Variants in PARD3B observed in about 807,000 individuals in gnomAD.
The protein encoded by PARD3B is partitioning defective 3 homolog B.
Under a neutral mutation model 130.2 loss-of-function variants are expected in PARD3B, and 103 were observed. The ratio of observed to expected loss-of-function variants is 0.79; its 90% CI spans 0.67 to 0.93. The LOEUF is 0.93. Ranked by LOEUF, PARD3B falls within the 40% of genes least tolerant of loss-of-function variation. PARD3B has a pLI of 0.00. For synonymous variants in PARD3B, 583 were observed against 553.2 expected (o/e 1.05, Z -0.76); for missense variants, 1,609 against 1,499.2 (o/e 1.07, Z -1.21).
intron 2 of PARD3B, among the ~76,000 whole-genome samples, chr2:204,744,611 A>G (rs1007775978): frequency 3.9e-5 from 6 of 152,136 alleles, no homozygotes; most frequent in Non-Finnish European, 8.8e-5. Flanking sequence ...AGGGCCAGTC[A>G]GATGAAACTG....
rs1327406606 is a variant in PARD3B at position 205,112,929 on chromosome 2, T to C, written c.594-562T>C. On this transcript the variant is annotated intron_variant, in intron 5 of 22. Transcript: ENST00000406610. ...TCTGTTGAATAGAACTGATGCCCTATTGAAAAGCAAGTTTGAGTTTTGATT... is the reference window on the plus strand; with the variant it reads ...TCTGTTGAATAGAACTGATGCCCTACTGAAAAGCAAGTTTGAGTTTTGATT... 2.6e-5 allele frequency among the ~76,000 whole-genome samples: 4 copies of C among 152,344 alleles called. No individual in the cohort carries two copies. In the East Asian group the frequency reaches 5.8e-4, roughly 22 times the overall value.
At chr2:205,602,308 G>A (rs2054818526) in intron 22 of PARD3B, among the ~76,000 whole-genome samples, 1 of 152,196 alleles carries the variant, frequency 6.6e-6, no homozygotes, top group Non-Finnish European at 1.5e-5. Context: ...TTGCATTGAC[G>A]TTCATCAGGG....
At chr2:204,594,424 A>C (rs959905640) in intron 1 of PARD3B, among the ~76,000 whole-genome samples, 1 of 152,204 alleles carries the variant, frequency 6.6e-6, no homozygotes, top group Admixed American at 6.5e-5. Flanking sequence ...AGAGAAGGTG[A>C]CTAGTGATTA....
chr2:205,325,551 C>T lies in PARD3B; in HGVS notation c.2630+23850C>T, dbSNP rs2042911395. On this transcript the variant is annotated intron_variant, in intron 18 of 22. Transcript: ENST00000406610. The surrounding 1 kb of genome is among the most constrained non-coding windows in gnomAD (Gnocchi z 4.1). ...TTAGTAGTAGTAGTAGTAGTAGTCT[C>T]AGAGTCTTCCTCTATTGCCCAGGCT... 8.3e-6 allele frequency among the ~76,000 whole-genome samples: 1 copy of T among 120,688 alleles called. No individual in the cohort carries two copies. Among genetic ancestry groups the T allele is most frequent in the Non-Finnish European group, 1.7e-5 (1 of 57,262 alleles). 79.2% of individuals were successfully genotyped at this position (120,688 alleles called of 152,430 possible). A position where few individuals can be genotyped will look rare whatever the true frequency, so the allele number is the denominator to read the frequency against.
chr2:205,039,435 A>C (rs1698239996), intron 3 of PARD3B, among the ~76,000 whole-genome samples: 1 of 151,928 alleles, frequency 6.6e-6, no homozygotes, highest in Non-Finnish European at 1.5e-5. Context: ...TTTCTATCAA[A>C]GTATTTCTTT....
intron 1 of PARD3B, among the ~76,000 whole-genome samples, chr2:204,661,661 A>T (rs2035811825): frequency 6.6e-6 from 1 of 152,244 alleles, no homozygotes; most frequent in African/African-American, 2.4e-5. Context: ...ATTAGATATT[A>T]TAACTAAGGG....
intron 2 of PARD3B, among the ~76,000 whole-genome samples, chr2:204,926,462 G>C (rs749859505): frequency 1.3e-5 from 2 of 152,076 alleles, no homozygotes. Context: ...TCATCACTAA[G>C]AATAGAACCT....
At position 205,122,650 on chromosome 2, in the gene PARD3B, T is replaced by A. The variant is rs193255431; in HGVS notation, c.1165+701T>A. Among the ~76,000 whole-genome samples the A allele has an allele frequency of 3.9e-4, 60 of 152,342 alleles. No individual in the cohort carries two copies. The highest frequency in any genetic ancestry group is 1.3e-3 in the African/African-American group (55 of 41,582). On this transcript the variant is annotated intron_variant, in intron 8 of 22. Coordinates refer to ENST00000406610, the MANE Select transcript of PARD3B (RefSeq NM_001302769.2). This position sits in a 1 kb window ranked among gnomAD's most constrained non-coding sequence, Gnocchi z 4.3. ...TTCCCCCATTGCAACCTTCTGAAAT[T>A]CTGTGTTTTTCAAGACAACTCAAAA...
chr2:205,286,729 A>T (rs2041410842), intron 16 of PARD3B, among the ~76,000 whole-genome samples: 1 of 152,212 alleles, frequency 6.6e-6, no homozygotes, highest in Non-Finnish European at 1.5e-5. Context: ...AGTCATGAGA[A>T]TACCTATGGG....
intron 22 of PARD3B, among the ~76,000 whole-genome samples, chr2:205,581,469 C>G (rs2053987013): frequency 7.1e-6 from 1 of 141,652 alleles, no homozygotes; most frequent in Non-Finnish European, 1.5e-5. Flanking sequence ...GGATCTTATT[C>G]TTTTTATGGC....
chr2:205,579,558 G>A (rs1482324763), intron 22 of PARD3B, among the ~76,000 whole-genome samples: 2 of 152,170 alleles, frequency 1.3e-5, no homozygotes, highest in Non-Finnish European at 2.9e-5. Context: ...CCCAGCAGAC[G>A]TGGTATCCAG....
chr2:204,918,662 TA>T (rs2047546500), intron 2 of PARD3B, among the ~76,000 whole-genome samples: 2 of 152,112 alleles, frequency 1.3e-5, no homozygotes, highest in Admixed American at 1.3e-4. Flanking sequence ...ATGCTTTTTT[TA>T]CTTGCTTTTT....
chr2:205,536,249 T>A (rs555370175), intron 21 of PARD3B, among the ~76,000 whole-genome samples: 19 of 126,764 alleles, frequency 1.5e-4, no homozygotes, highest in African/African-American at 5.2e-4. Context: ...GGAGGCTGAA[T>A]TGACTTTTGA....
chr2:205,174,404 C>G (rs756245242), intron 12 of PARD3B, among the ~76,000 whole-genome samples: 8 of 152,180 alleles, frequency 5.3e-5, no homozygotes, highest in Non-Finnish European at 1.2e-4. Flanking sequence ...ACTTGACTCT[C>G]GGCTACTGAG....
intron 3 of PARD3B, among the ~76,000 whole-genome samples, chr2:204,978,339 A>T (rs1474269669): frequency 6.6e-6 from 1 of 152,234 alleles, no homozygotes; most frequent in African/African-American, 2.4e-5. Flanking sequence ...TTAGGCATGG[A>T]GTATCTCTAT....
intron 22 of PARD3B, among the ~76,000 whole-genome samples, chr2:205,569,919 G>GAC (rs1348900084): frequency 2.0e-5 from 3 of 152,080 alleles, no homozygotes; most frequent in Admixed American, 6.6e-5. Context: ...CTGTTGAACT[G>GAC]ACACACACAC....
At chr2:205,514,083 C>A (rs1370917889) in intron 21 of PARD3B, among the ~76,000 whole-genome samples, 2 of 152,092 alleles carry the variant, frequency 1.3e-5, no homozygotes, top group African/African-American at 2.4e-5. Context: ...TTATGCCCAA[C>A]CTCTCCTTTT....
chr2:204,580,143 G>A (rs1363537055), intron 1 of PARD3B, among the ~76,000 whole-genome samples: 1 of 152,198 alleles, frequency 6.6e-6, no homozygotes, highest in African/African-American at 2.4e-5. Context: ...ATGGGAACCA[G>A]TAAGTATAGC....
At chr2:204,666,868 T>G (rs2036048541) in intron 1 of PARD3B, among the ~76,000 whole-genome samples, 1 of 152,114 alleles carries the variant, frequency 6.6e-6, no homozygotes, top group Non-Finnish European at 1.5e-5. Context: ...GTCCTAGCGG[T>G]AGATGAGCTT....
Sources: allele counts gnomAD v4.1 joint callset (sites outside exome capture counted in the v4.1 genomes callset), GRCh38; gene constraint gnomAD v4.1.1; non-coding constraint Gnocchi (gnomAD v3.1); transcripts MANE v1.5; gene names NCBI Gene and HGNC (gene_info 2026-07-23, HGNC 2026-07-21).